SLC35G2: variants seen among roughly 807,000 people sequenced by gnomAD.
SLC35G2 encodes solute carrier family 35 member G2.
In SLC35G2, 20 loss-of-function variants were observed where a neutral mutation model predicts 27.2. That is an observed-to-expected ratio of 0.74 (90% CI 0.52 to 1.07). The LOEUF is 1.07. SLC35G2 is among the 50% of genes least tolerant of loss of function. The pLI, the probability that SLC35G2 is intolerant of heterozygous loss-of-function variation, is 0.00. For missense variants in SLC35G2, 416 were observed against 493.3 expected (o/e 0.84, Z 1.48); for synonymous variants, 148 against 165.3 (o/e 0.90, Z 0.80).
chr3:136,855,685 T>A lies in SLC35G2; in HGVS notation c.1225T>A (p.Ser409Thr). 1 of 1,598,580 alleles carries A rather than the reference T, an allele frequency of 6.3e-7. No homozygotes were observed. The highest frequency in any genetic ancestry group is 8.6e-7 in the Non-Finnish European group (1 of 1,165,936). The change falls in exon 2 of 2, where the codon TCT (serine) becomes ACT (threonine). Residue 409 changes from serine (S) to threonine (T), a missense_variant. By Grantham distance (58) the Ser-to-Thr change is moderately conservative. Transcript: ENST00000446465. ...GCAGGACTACCAGGAAATACTAGAC[T>A]CTCCCATTAAATGAATACCTGATTA... ...RKQDYQEILD[S>T]PIK
At chr3:136,832,971 A>G (rs572680372) in intron 1 of SLC35G2, among the ~76,000 whole-genome samples, 48 of 151,464 alleles carry the variant, frequency 3.2e-4, no homozygotes, top group Non-Finnish European at 6.3e-4. Context: ...TGGGAGGCTG[A>G]GGCAGGAGAA....
chr3:136,834,742 C>T (rs1936820241), intron 1 of SLC35G2, among the ~76,000 whole-genome samples: 1 of 152,196 alleles, frequency 6.6e-6, no homozygotes, highest in African/African-American at 2.4e-5. Flanking sequence ...AAACATACCA[C>T]ACATATTAAC....
chr3:136,823,677 C>T (rs1358618604), intron 1 of SLC35G2, among the ~76,000 whole-genome samples: 1 of 151,974 alleles, frequency 6.6e-6, no homozygotes, highest in Non-Finnish European at 1.5e-5. Context: ...CTCACTGCAA[C>T]CGCCGCCTCC....
At chr3:136,834,887 CTT>C (rs1393716844) in intron 1 of SLC35G2, among the ~76,000 whole-genome samples, 1 of 152,178 alleles carries the variant, frequency 6.6e-6, no homozygotes, top group Admixed American at 6.6e-5. Flanking sequence ...AGATAACTCT[CTT>C]ATTATTCTTC....
In SLC35G2 at chr3:136,855,830, G is replaced by T. The variant is rs1008916796; in HGVS notation, c.*131G>T. ...AAAATATATAATATATACAAATGCAGAAAATTTATTCTAGTCTAATATATT... is the reference window on the plus strand; with the variant it reads ...AAAATATATAATATATACAAATGCATAAAATTTATTCTAGTCTAATATATT... On this transcript the variant is annotated 3_prime_UTR_variant, in exon 2 of 2. Coordinates refer to ENST00000446465, the MANE Select transcript of SLC35G2 (RefSeq NM_025246.3). 7.7e-6 allele frequency: 5 copies of T among 647,346 alleles called. No individual in the cohort carries two copies. The African/African-American group carries it at 9.2e-5, about 12-fold the overall frequency. The allele number at this position is 647,346 out of a possible 1,614,324, so 40.1% of individuals were successfully genotyped here.
intron 1 of SLC35G2, chr3:136,820,183 C>T (rs1183619233): frequency 6.6e-6 from 1 of 150,566 alleles, no homozygotes; most frequent in African/African-American, 2.4e-5. Flanking sequence ...TAGTAACCCC[C>T]CACGTCCAGA....
chr3:136,853,581 G>T (rs1937787651), intron 1 of SLC35G2, among the ~76,000 whole-genome samples: 1 of 152,034 alleles, frequency 6.6e-6, no homozygotes, highest in Non-Finnish European at 1.5e-5. Context: ...AAATAAAAAT[G>T]TAAAAAAATA....
In SLC35G2 at chr3:136,855,029, C is replaced by T. The variant is rs1330317972; in HGVS notation, c.569C>T (p.Pro190Leu). 6.2e-7 allele frequency: 1 copy of T among 1,614,174 alleles called. No homozygotes were observed. Among genetic ancestry groups the T allele is most frequent in the Non-Finnish European group, 8.5e-7 (1 of 1,180,022 alleles). The change falls in exon 2 of 2, where the codon CCT becomes CTT. Residue 190 changes from proline to leucine, a missense_variant. Coordinates refer to ENST00000446465, the MANE Select transcript of SLC35G2 (RefSeq NM_025246.3). ...TCAYTSFSIV[P>L]PSNGTTMWRA... ...GCTTATACATCATTTTCAATAGTTC[C>T]TCCCAGCAATGGGACCACTATGTGG... is the stretch of plus-strand genomic sequence containing the variant.
Position 136,854,876 on chromosome 3 carries a change from T to G in SLC35G2, c.416T>G (p.Ile139Ser), listed in dbSNP as rs1235840293. The change falls in exon 2 of 2, where the codon ATC becomes AGC. Residue 139 changes from isoleucine to serine, a missense_variant. Ile to Ser is a moderately radical substitution (Grantham distance 142, BLOSUM62 -2). Transcript: ENST00000446465. The stretch of plus-strand genomic sequence containing the variant: ...GTTCCATCTCTAGAACTGATTTTTA[T>G]CCGTTCTGTTTTTCAGGTCTTATCT... Reference protein sequence around the residue: ...SKVPSLELIFIRSVFQVLSVL... With the variant: ...SKVPSLELIFSRSVFQVLSVL... 1.2e-6 allele frequency: 2 copies of G among 1,614,244 alleles called. No individual in the cohort carries two copies. Among genetic ancestry groups the G allele is most frequent in the Admixed American group, 3.3e-5 (2 of 60,024 alleles).
At chr3:136,846,075 A>T (rs1459399653) in intron 1 of SLC35G2, among the ~76,000 whole-genome samples, 1 of 152,136 alleles carries the variant, frequency 6.6e-6, no homozygotes, top group Non-Finnish European at 1.5e-5. Flanking sequence ...TGAAAGCCTG[A>T]ATAGCACAAA....
At chr3:136,846,369 C>CG (rs1343590911) in intron 1 of SLC35G2, among the ~76,000 whole-genome samples, 1 of 152,176 alleles carries the variant, frequency 6.6e-6, no homozygotes. Context: ...AAGCAGACAC[C>CG]AAACTGTGCA....
chr3:136,826,288 C>T (rs529582582), intron 1 of SLC35G2, among the ~76,000 whole-genome samples: 48 of 151,826 alleles, frequency 3.2e-4, no homozygotes, highest in African/African-American at 1.2e-3. Flanking sequence ...CCGCCTGTCT[C>T]GGCCTCCCAA....
chr3:136,848,204 CTATT>C (rs759036982), intron 1 of SLC35G2, among the ~76,000 whole-genome samples: 3 of 152,140 alleles, frequency 2.0e-5, no homozygotes, highest in African/African-American at 7.2e-5. Context: ...AGATTAGGGG[CTATT>C]TATTTATCAA....
At chr3:136,832,570 T>C (rs1435020115) in intron 1 of SLC35G2, among the ~76,000 whole-genome samples, 4 of 152,250 alleles carry the variant, frequency 2.6e-5, no homozygotes, top group Non-Finnish European at 4.4e-5. Flanking sequence ...AAGAGAAAGC[T>C]TATGCCTTCT....
intron 1 of SLC35G2, among the ~76,000 whole-genome samples, chr3:136,849,824 G>T (rs1007813766): frequency 4.2e-4 from 64 of 151,882 alleles, no homozygotes; most frequent in Non-Finnish European, 6.2e-4. Flanking sequence ...CAGGATTTAG[G>T]CTGGGCGTGG....
chr3:136,844,116 C>T (rs895031993), intron 1 of SLC35G2, among the ~76,000 whole-genome samples: 5 of 152,182 alleles, frequency 3.3e-5, no homozygotes, highest in African/African-American at 4.8e-5. Context: ...TGCTTGAACC[C>T]GGGAAGCGGA....
chr3:136,849,614 C>T, intron 1 of SLC35G2, among the ~76,000 whole-genome samples: 1 of 151,840 alleles, frequency 6.6e-6, no homozygotes, highest in South Asian at 2.1e-4. Context: ...GTCTTAGCCT[C>T]CCAAGTAGCT....
At chr3:136,834,437 G>A (rs1000014872) in intron 1 of SLC35G2, among the ~76,000 whole-genome samples, 3 of 152,212 alleles carry the variant, frequency 2.0e-5, no homozygotes, top group Non-Finnish European at 4.4e-5. Flanking sequence ...GGGTTCAAGC[G>A]ATTCTCATGC....
chr3:136,855,229 G>C lies in SLC35G2; in HGVS notation c.769G>C (p.Gly257Arg). 6.2e-7 allele frequency: 1 copy of C among 1,614,178 alleles called. No homozygotes were observed. The highest frequency in any genetic ancestry group is 1.1e-5 in the South Asian group (1 of 91,086). ...GTTAAATGCCTGGAAAGAAGCCTTT[G>C]GGTACACCATGACTGTGATGGCTGG... ...SLLNAWKEAF[G>R]YTMTVMAGLT... The change falls in exon 2 of 2, where the codon GGG becomes CGG. Residue 257 changes from glycine (G) to arginine (R), a missense_variant. Coordinates refer to ENST00000446465, the MANE Select transcript of SLC35G2 (RefSeq NM_025246.3).
Sources: gnomAD v4.1 joint callset for allele counts (sites outside exome capture counted in the v4.1 genomes callset) on GRCh38, gnomAD v4.1.1 for gene constraint, MANE v1.5 for transcripts, NCBI Gene and HGNC (gene_info 2026-07-23, HGNC 2026-07-21) for gene names.